RPL27: variants seen among roughly 807,000 people sequenced by gnomAD.
The protein encoded by RPL27 is large ribosomal subunit protein eL27.
For synonymous variants in RPL27, 77 were observed against 61.0 expected, an observed-to-expected ratio of 1.26 and a Z score of -1.22; for missense variants, 131 against 174.3, an observed-to-expected ratio of 0.75 and a Z score of 1.40.
intron 3 of RPL27, 44 bp from the exon 4 acceptor site, chr17:43,002,629 C>G (rs145566561): frequency 5.6e-6 from 7 of 1,243,090 alleles, no homozygotes; most frequent in Non-Finnish European, 8.3e-6. Context: ...ATAGGGGCCC[C>G]GGCAGTATGT....
At chr17:42,998,700 C>T (rs1267008214) in intron 1 of RPL27, 49 bp from the exon 2 acceptor site, 2 of 1,446,786 alleles carry the variant, frequency 1.4e-6, no homozygotes, top group East Asian at 2.3e-5. Context: ...CTCTGGGCAT[C>T]TTTGGCTTTA....
intron 2 of RPL27, chr17:42,999,111 G>A: frequency 2.4e-6 from 1 of 412,106 alleles, no homozygotes; most frequent in Non-Finnish European, 4.4e-6. Context: ...CTGCCTTTCA[G>A]GTATTGTCAT....
In RPL27 at chr17:42,998,913, G is replaced by A. The variant is rs1362470910; in HGVS notation, c.81+82G>A. The A allele has an allele frequency of 2.7e-6, 3 of 1,130,000 alleles. No homozygotes were observed. The South Asian group carries it at 3.8e-5, about 14-fold the overall frequency. 70.0% of individuals were successfully genotyped at this position (1,130,000 alleles called of 1,614,324 possible). On this transcript the variant is annotated intron_variant, in intron 2 of 4. Transcript: ENST00000253788. ...GGGGCGGGCAGGCTTGGAATTCAAG[G>A]CCTGTTTCTGGGGCAGTAGCCAGTG...
intron 3 of RPL27, among the ~76,000 whole-genome samples, chr17:43,000,381 C>G (rs2050346697): frequency 6.6e-6 from 1 of 152,168 alleles, no homozygotes; most frequent in Admixed American, 6.5e-5. Context: ...TTCAAAAAGT[C>G]TGTGAGTGCG....
Position 42,999,915 on chromosome 17 carries a change from T to C in RPL27, c.82-18T>C. On this transcript the variant is annotated intron_variant, in intron 2 of 4. Coordinates refer to ENST00000253788, the MANE Select transcript of RPL27 (RefSeq NM_000988.5). ...ATAGGCCCTCAGTGAATAACAAATG[T>C]AATTCTTACTCATTTAGAACATTGA... The C allele has an allele frequency of 1.9e-6, 3 of 1,604,566 alleles. No homozygotes were observed. The highest frequency in any genetic ancestry group is 2.6e-6 in the Non-Finnish European group (3 of 1,173,466).
chr17:43,001,235 T>G (rs1018893216), intron 3 of RPL27, among the ~76,000 whole-genome samples: 10 of 151,922 alleles, frequency 6.6e-5, no homozygotes, highest in African/African-American at 2.4e-4. Flanking sequence ...GTGCGAGAAT[T>G]GAGAAAGTCC....
At chr17:42,999,322 G>A (rs1046308153) in intron 2 of RPL27, 2 of 155,244 alleles carry the variant, frequency 1.3e-5, no homozygotes, top group African/African-American at 4.8e-5. Context: ...GCTATAGGGG[G>A]TTCCTTCCTG....
In RPL27 at chr17:42,998,844, C is replaced by G. The variant is rs1339016434; in HGVS notation, c.81+13C>G. On this transcript the variant is annotated intron_variant, in intron 2 of 4. Coordinates refer to ENST00000253788, the MANE Select transcript of RPL27 (RefSeq NM_000988.5). ...TGTCATCGTGAAGGTATCAGCCTCG[C>G]GGGACTCTGCGTCCTTGCATGCCGG... 6.2e-7 allele frequency: 1 copy of G among 1,610,044 alleles called. No homozygotes were observed. Among genetic ancestry groups the G allele is most frequent in the Non-Finnish European group, 8.5e-7 (1 of 1,176,614 alleles).
In RPL27 at chr17:43,002,732, C is replaced by T. The variant is rs1203028295; in HGVS notation, c.311C>T (p.Pro104Leu). The change falls in exon 4 of 5, where the codon CCT becomes CTT. Residue 104 changes from proline (P) to leucine (L), a missense_variant. Transcript: ENST00000253788. ...TVVNKDVFRD[P>L]ALKRKARREA... ...GTCAATAAGGATGTCTTCAGAGATC[C>T]TGCTCTTAAACGCAAGGCCCGACGG... 1 of 1,613,940 alleles carries T rather than the reference C, an allele frequency of 6.2e-7. No homozygotes were observed. The highest frequency in any genetic ancestry group is 1.1e-5 in the South Asian group (1 of 91,078).
intron 3 of RPL27, 125 bp downstream of exon 3, chr17:43,000,227 T>TA (rs1192791450): frequency 2.7e-6 from 2 of 742,556 alleles, no homozygotes; most frequent in East Asian, 5.4e-5. Flanking sequence ...CTTCAACTCA[T>TA]AAAGTGGCTA....
At chr17:42,999,168 C>CTTT in intron 2 of RPL27, 3 of 198,916 alleles carry the variant, frequency 1.5e-5, no homozygotes, top group East Asian at 1.4e-4. Flanking sequence ...CTTTTCTTTT[C>CTTT]TTTTTTTTTT....
rs547288649 is a variant in RPL27 at position 42,998,629 on chromosome 17, G to A, written c.-2-120G>A. 3.4e-4 allele frequency: 259 copies of A among 758,480 alleles called. 1 individual carries two copies. The highest frequency in any genetic ancestry group is 1.6e-3 in the Middle Eastern group (4 of 2,548). The allele number at this position is 758,480 out of a possible 1,614,324, so 47.0% of individuals were successfully genotyped here. ...AGGGCCCTCGGGCGGCCTTGACCAAGGCGACAGTGAACACAGTCTGAAGTT... is the reference window on the plus strand; with the variant it reads ...AGGGCCCTCGGGCGGCCTTGACCAAAGCGACAGTGAACACAGTCTGAAGTT... On this transcript the variant is annotated intron_variant, in intron 1 of 4. Coordinates refer to ENST00000253788, the MANE Select transcript of RPL27 (RefSeq NM_000988.5).
intron 3 of RPL27, among the ~76,000 whole-genome samples, chr17:43,001,931 A>G (rs910117646): frequency 6.6e-6 from 1 of 150,706 alleles, no homozygotes; most frequent in Non-Finnish European, 1.5e-5. Flanking sequence ...CTCTACTGAA[A>G]GTACAAAAAA....
At position 42,999,946 on chromosome 17, in the gene RPL27, G is replaced by T. The variant is rs773204386; in HGVS notation, c.95G>T (p.Gly32Val). 6.2e-7 allele frequency: 1 copy of T among 1,611,722 alleles called. No homozygotes were observed. The highest frequency in any genetic ancestry group is 8.5e-7 in the Non-Finnish European group (1 of 1,179,668). ...KAVIVKNIDD[G>V]TSDRPYSHAL... Reference sequence around the variant, plus strand: ...TTACTCATTTAGAACATTGATGATGGCACCTCAGATCGCCCCTACAGCCAT... The same window carrying T: ...TTACTCATTTAGAACATTGATGATGTCACCTCAGATCGCCCCTACAGCCAT... The change falls in exon 3 of 5, where the codon GGC becomes GTC. Residue 32 changes from glycine to valine, a missense_variant. By Grantham distance (109) the Gly-to-Val change is moderately radical (BLOSUM62 -3). Transcript: ENST00000253788.
intron 3 of RPL27, among the ~76,000 whole-genome samples, chr17:43,000,381 CTG>C (rs1213779805): frequency 2.6e-5 from 4 of 152,168 alleles, no homozygotes; most frequent in African/African-American, 9.6e-5. Context: ...TTCAAAAAGT[CTG>C]TGAGTGCGTG....
In RPL27 at chr17:42,998,482, G is replaced by T. The variant is rs536892669; in HGVS notation, c.-3+11G>T. 20 of 349,730 alleles carry T rather than the reference G, an allele frequency of 5.7e-5. No homozygotes were observed. Among genetic ancestry groups the T allele is most frequent in the Non-Finnish European group, 9.6e-5 (18 of 188,262 alleles). The allele number at this position is 349,730 out of a possible 1,614,324, so 21.7% of individuals were successfully genotyped here. On this transcript the variant is annotated intron_variant, in intron 1 of 4. Transcript: ENST00000253788. ...GGGTGGTTGCTGCCGGTAAGTAGAAGCTTGGGTTGAATCTTTCAATCCGCT... is the reference window on the plus strand; with the variant it reads ...GGGTGGTTGCTGCCGGTAAGTAGAATCTTGGGTTGAATCTTTCAATCCGCT...
chr17:42,999,732 C>A, intron 2 of RPL27: 1 of 554,454 alleles, frequency 1.8e-6, no homozygotes, highest in Non-Finnish European at 3.2e-6. Context: ...TCTAGTAAGC[C>A]GTTCCAGATG....
At chr17:43,002,578 C>CA (rs2050375981) in intron 3 of RPL27, 95 bp from the exon 4 acceptor site, 5 of 726,408 alleles carry the variant, frequency 6.9e-6, no homozygotes, top group Admixed American at 4.1e-5. Context: ...TCTAAGGAGT[C>CA]AGACCCTGAT....
At chr17:43,001,929 A>C (rs1319634839) in intron 3 of RPL27, among the ~76,000 whole-genome samples, 2 of 150,530 alleles carry the variant, frequency 1.3e-5, no homozygotes, top group African/African-American at 4.9e-5. Context: ...GTCTCTACTG[A>C]AAGTACAAAA....
Sources: allele counts gnomAD v4.1 joint callset (sites outside exome capture counted in the v4.1 genomes callset), GRCh38; gene constraint gnomAD v4.1.1; transcripts MANE v1.5; gene names NCBI Gene and HGNC (gene_info 2026-07-23, HGNC 2026-07-21).